Variants in DDB1 observed in about 807,000 individuals in gnomAD.
DDB1 encodes the protein damage specific DNA binding protein 1.
DDB1 carries 18 observed loss-of-function variants against 133.1 expected under a neutral mutation model. That is an observed-to-expected ratio of 0.14 (90% CI 0.09 to 0.20). The LOEUF (loss-of-function observed/expected upper bound fraction) is 0.20. Among genes scored for constraint, DDB1 ranks in the 10% least tolerant of loss-of-function variants. The pLI is 1.00. For missense variants in DDB1, 828 were observed against 1,459.2 expected, an observed-to-expected ratio of 0.57 and a Z score of 7.05; for synonymous variants, 580 against 550.5, an observed-to-expected ratio of 1.05 and a Z score of -0.75.
chr11:61,311,321 CACATAACATAACAT>C (rs1855966460), intron 18 of DDB1: 3 of 128,504 alleles, frequency 2.3e-5, no homozygotes, highest in Non-Finnish European at 4.5e-5. Context: ...CATAACATAA[CACATAACATAACAT>C]AACATAACAA....
chr11:61,332,735 T>A (rs1469513871), intron 1 of DDB1, 173 bp downstream of exon 1: 1 of 499,572 alleles, frequency 2.0e-6, no homozygotes, highest in East Asian at 3.5e-5. Context: ...AAAAAGCGCG[T>A]ACAGGGACGA....
At chr11:61,303,605 G>A (rs1855834286) in intron 22 of DDB1, among the ~76,000 whole-genome samples, 1 of 150,828 alleles carries the variant, frequency 6.6e-6, no homozygotes, top group Non-Finnish European at 1.5e-5. Context: ...TTGGGAGACT[G>A]AGGCAGGAGA....
In DDB1 at chr11:61,316,407, GAGGGCCTGGGTCAGCCTGGGACC is replaced by G; in HGVS notation, c.1302-37_1302-15del. 6.2e-7 allele frequency: 1 copy of G among 1,613,820 alleles called. No homozygotes were observed. The highest frequency in any genetic ancestry group is 8.5e-7 in the Non-Finnish European group (1 of 1,179,750). ...AACATGAGAACTCTGCAGCAGAATG[GAGGGCCTGGGTCAGCCTGGGACC>G]AGCTTCCCCACCTCACAACCTTCTC... is the stretch of plus-strand genomic sequence containing the variant. On this transcript the variant is annotated splice_polypyrimidine_tract_variant and intron_variant, in intron 11 of 26. Transcript: ENST00000301764.
intron 10 of DDB1, among the ~76,000 whole-genome samples, chr11:61,316,946 GA>G (rs1856083425): frequency 3.4e-5 from 1 of 29,078 alleles, no homozygotes; most frequent in Non-Finnish European, 5.2e-5. Flanking sequence ...AAAAAGGATA[GA>G]TATATATATA....
At position 61,314,442 on chromosome 11, in the gene DDB1, A is replaced by G. The variant is rs199877359; in HGVS notation, c.1455T>C (p.Ala485=). 1 of 1,614,034 alleles carries G rather than the reference A, an allele frequency of 6.2e-7. No individual in the cohort carries two copies. The highest frequency in any genetic ancestry group is 8.5e-7 in the Non-Finnish European group (1 of 1,179,978). The change falls in exon 13 of 27, where the codon GCT becomes GCC. Residue 485 remains alanine (A), a synonymous_variant. Transcript: ENST00000301764. ...SVRLVSQEPK[A]LVSEWKEPQA... is the part of the protein sequence containing the mutation. ...GAGGCTCCTTCCATTCACTGACCAG[A>G]GCTTTGGGTTCTTGAGAGACCAACC...
chr11:61,322,265 A>G (rs767603132), intron 9 of DDB1, 31 bp downstream of exon 9: 2 of 1,551,896 alleles, frequency 1.3e-6, no homozygotes, highest in Non-Finnish European at 1.8e-6. Context: ...GTGGGCATAT[A>G]CCAACTATCC....
intron 21 of DDB1, among the ~76,000 whole-genome samples, chr11:61,308,560 T>C (rs1262271001): frequency 6.6e-6 from 1 of 152,190 alleles, no homozygotes; most frequent in African/African-American, 2.4e-5. Context: ...TATACAAAAT[T>C]TTTGTCAACT....
intron 8 of DDB1, chr11:61,322,751 T>C: frequency 5.5e-6 from 3 of 547,544 alleles, no homozygotes; most frequent in Non-Finnish European, 9.7e-6. Flanking sequence ...CATTAAACTA[T>C]GACCTATTTG....
chr11:61,308,604 C>T (rs989691162), intron 21 of DDB1, among the ~76,000 whole-genome samples: 1 of 152,230 alleles, frequency 6.6e-6, no homozygotes, highest in Admixed American at 6.5e-5. Context: ...AACTTTTTAG[C>T]AAGGGAGGAG....
intron 10 of DDB1, 105 bp downstream of exon 10, chr11:61,321,490 C>G: frequency 2.3e-6 from 2 of 867,352 alleles, no homozygotes; most frequent in South Asian, 2.8e-5. Flanking sequence ...TCACTCTTCA[C>G]TTGATCTGCT....
chr11:61,314,157 TCTC>T lies in DDB1; in HGVS notation c.1640_1642del (p.Gly547del). On this transcript the variant is annotated inframe_deletion, in exon 14 of 27. Coordinates refer to ENST00000301764, the MANE Select transcript of DDB1 (RefSeq NM_001923.5). ...ACAAAGAGGGGACAGTCCATTGCTGTCTCCTAATGGGGTGATGTCCAAGCAAGC... is the reference window on the plus strand; with the variant it reads ...ACAAAGAGGGGACAGTCCATTGCTGTCTAATGGGGTGATGTCCAAGCAAGC... The T allele has an allele frequency of 6.2e-7, 1 of 1,613,484 alleles. No individual in the cohort carries two copies. Among genetic ancestry groups the T allele is most frequent in the South Asian group, 1.1e-5 (1 of 90,950 alleles).
chr11:61,316,256 G>A (rs1251301509), intron 12 of DDB1, 29 bp downstream of exon 12: 2 of 1,598,666 alleles, frequency 1.3e-6, no homozygotes, highest in Non-Finnish European at 1.7e-6. Flanking sequence ...CAAGTATATG[G>A]TAACACCTGC....
chr11:61,311,916 A>G, intron 17 of DDB1, 21 bp from the exon 18 acceptor site: 2 of 1,614,036 alleles, frequency 1.2e-6, no homozygotes, highest in Middle Eastern at 1.7e-4. Context: ...AGTACAGAAC[A>G]ACAGTGTCAC....
chr11:61,314,693 C>T lies in DDB1; in HGVS notation c.1411-207G>A, dbSNP rs975879808. On this transcript the variant is annotated intron_variant, in intron 12 of 26. Coordinates refer to ENST00000301764, the MANE Select transcript of DDB1 (RefSeq NM_001923.5). ...AGGAGGCCAGCTTAAAAGTAGCTTA[C>T]AGCTTACAAACCTACAGCTGGTGGG... The T allele has an allele frequency of 1.5e-5, 8 of 525,992 alleles. No homozygotes were observed. In the African/African-American group the frequency reaches 1.6e-4, roughly 10 times the overall value. 32.6% of individuals were successfully genotyped at this position (525,992 alleles called of 1,614,324 possible).
chr11:61,322,107 T>A, intron 9 of DDB1, 189 bp downstream of exon 9: 1 of 619,760 alleles, frequency 1.6e-6, no homozygotes, highest in East Asian at 2.6e-5. Context: ...TTAGAGATAA[T>A]GTATATAAAG....
chr11:61,323,843 CTTCCACAGCAGGAACAACAGTT>C, intron 7 of DDB1, 114 bp downstream of exon 7: 1 of 960,210 alleles, frequency 1.0e-6, no homozygotes, highest in Non-Finnish European at 1.6e-6. Context: ...CAACAGTCAA[CTTCCACAGCAGGAACAACAGTT>C]TGTTGTTAGG....
At chr11:61,329,836 C>G (rs373425723) in intron 3 of DDB1, 122 bp downstream of exon 3, 19 of 904,956 alleles carry the variant, frequency 2.1e-5, no homozygotes, top group Middle Eastern at 2.4e-4. Flanking sequence ...AGCTCAAACC[C>G]ATAGTGTCTT....
intron 20 of DDB1, 77 bp from the exon 21 acceptor site, chr11:61,309,154 T>G: frequency 3.5e-6 from 5 of 1,426,656 alleles, no homozygotes; most frequent in Non-Finnish European, 3.9e-6. Flanking sequence ...TGGTTGCCCC[T>G]GTGGTACAAA....
intron 10 of DDB1, among the ~76,000 whole-genome samples, chr11:61,316,948 T>TATATATATAG (rs1856084913): frequency 2.5e-4 from 1 of 4,000 alleles, no homozygotes; most frequent in Admixed American, 2.0e-3. Flanking sequence ...AAAGGATAGA[T>TATATATATAG]ATATATATAT....
Sources: gnomAD v4.1 joint callset for allele counts (sites outside exome capture counted in the v4.1 genomes callset) on GRCh38, gnomAD v4.1.1 for gene constraint, MANE v1.5 for transcripts, NCBI Gene and HGNC (gene_info 2026-07-23, HGNC 2026-07-21) for gene names.